RNF17: variants seen among roughly 807,000 people sequenced by gnomAD.
The protein encoded by RNF17 is spermatogenesis associated 23.
In RNF17, 31 loss-of-function variants were observed where a neutral mutation model predicts 200.5. The ratio of observed to expected loss-of-function variants is 0.15; its 90% CI spans 0.12 to 0.21. The LOEUF is 0.21. RNF17 is among the 10% of genes least tolerant of loss of function. RNF17 has a pLI of 1.00. For synonymous variants in RNF17, 606 were observed against 637.8 expected (o/e 0.95, Z 0.75); for missense variants, 1,628 against 1,905.1 (o/e 0.85, Z 2.71).
At chr13:24,802,111 G>C (rs1885315153) in intron 13 of RNF17, among the ~76,000 whole-genome samples, 1 of 151,912 alleles carries the variant, frequency 6.6e-6, no homozygotes, top group African/African-American at 2.4e-5. Flanking sequence ...TCAGCCTCCC[G>C]AGTAGCTGGG....
intron 28 of RNF17, among the ~76,000 whole-genome samples, chr13:24,863,301 T>C (rs769222018): frequency 3.9e-5 from 6 of 152,138 alleles, no homozygotes; most frequent in African/African-American, 1.4e-4. Context: ...ATGGTGAGAA[T>C]TGAGGTAGCC....
At chr13:24,782,605 T>TC (rs1555265924) in intron 6 of RNF17, among the ~76,000 whole-genome samples, 178 of 149,820 alleles carry the variant, frequency 1.2e-3, no homozygotes, top group Non-Finnish European at 2.1e-3. Flanking sequence ...GAGGCTGAGA[T>TC]GGGGGGGGGA....
At chr13:24,775,914 A>G (rs1014035436) in intron 3 of RNF17, among the ~76,000 whole-genome samples, 7 of 152,206 alleles carry the variant, frequency 4.6e-5, no homozygotes, top group Non-Finnish European at 1.0e-4. Context: ...TGTTTATTAC[A>G]GTACATGTTT....
chr13:24,774,841 G>T lies in RNF17; in HGVS notation c.254G>T (p.Arg85Leu), dbSNP rs199849731. The change falls in exon 3 of 36, where the codon CGC (arginine) becomes CTC (leucine). Residue 85 changes from arginine (R) to leucine (L), a missense_variant. Arg to Leu is a moderately radical substitution (Grantham distance 102, BLOSUM62 -2). Transcript: ENST00000255324. The part of the protein sequence containing the change: ...EVATAVNTRQ[R>L]YYPMAGYIKE... ...GCTACAGCTGTAAATACTAGACAAC[G>T]CTACTACCCAATGGCTGGATATATT... The T allele has an allele frequency of 9.2e-5, 148 of 1,612,308 alleles. 1 individual carries two copies. In the South Asian group the frequency reaches 1.5e-3, roughly 16 times the overall value.
At chr13:24,821,726 CA>C (rs1888075543) in intron 15 of RNF17, among the ~76,000 whole-genome samples, 1 of 152,150 alleles carries the variant, frequency 6.6e-6, no homozygotes, top group Non-Finnish European at 1.5e-5. Flanking sequence ...CCATTTTATT[CA>C]TACATCATTT....
At chr13:24,756,398 T>C in the RNF17 span, among the ~76,000 whole-genome samples, 1 of 152,114 alleles carries the variant, frequency 6.6e-6, no homozygotes, top group Non-Finnish European at 1.5e-5. Context: ...CATGAAAAAA[T>C]ATAGTTTCTT....
At chr13:24,884,063 T>A (rs766375794), downstream of RNF17, 7 of 1,613,598 alleles carry the variant, frequency 4.3e-6, no homozygotes, top group Non-Finnish European at 5.9e-6. Context: ...ATTTCTTTTC[T>A]TCCATCTGGG....
At position 24,778,320 on chromosome 13, in the gene RNF17, A is replaced by G; in HGVS notation, c.343A>G (p.Lys115Glu). ...KTIKNCSQDF[K>E]KTADQLTTGL... ...GATAAAGAATTGTTCTCAGGACTTTAAGAAGACTGCTGATCAGCTAACTAC... is the reference window on the plus strand; with the variant it reads ...GATAAAGAATTGTTCTCAGGACTTTGAGAAGACTGCTGATCAGCTAACTAC... Residue 115 changes from lysine (K) to glutamate (E), a missense_variant, in exon 4 of 36, where the codon AAG (lysine) becomes GAG (glutamate). By Grantham distance (56) the Lys-to-Glu change is moderately conservative (BLOSUM62 1). This residue lies in a region of RNF17 where 502 missense variants were observed against 501.7 expected (regional missense o/e 1.00). Transcript: ENST00000255324. 6.2e-7 allele frequency: 1 copy of G among 1,611,862 alleles called. No homozygotes were observed. The highest frequency in any genetic ancestry group is 8.5e-7 in the Non-Finnish European group (1 of 1,178,068).
intron 4 of RNF17, among the ~76,000 whole-genome samples, chr13:24,778,609 G>A (rs1489364626): frequency 6.6e-6 from 1 of 152,146 alleles, no homozygotes; most frequent in Non-Finnish European, 1.5e-5. Flanking sequence ...ACCTTTGACT[G>A]ACTCTGTTTC....
chr13:24,885,256 T>C, the RNF17 span: 8 of 1,468,624 alleles, frequency 5.4e-6, no homozygotes, highest in Non-Finnish European at 5.7e-6. Context: ...GAATTCATTA[T>C]TTCAAAAACA....
chr13:24,783,129 G>C (rs1882657570), intron 6 of RNF17, among the ~76,000 whole-genome samples: 1 of 152,148 alleles, frequency 6.6e-6, no homozygotes, highest in African/African-American at 2.4e-5. Flanking sequence ...AGTTTTCCCA[G>C]CACTATTTGT....
At chr13:24,866,520 A>G (rs1018099906) in intron 30 of RNF17, among the ~76,000 whole-genome samples, 8 of 152,262 alleles carry the variant, frequency 5.3e-5, no homozygotes, top group Admixed American at 2.6e-4. Context: ...ATATAAATGG[A>G]ATCATACACT....
intron 2 of RNF17, among the ~76,000 whole-genome samples, chr13:24,769,058 A>G (rs2137462721): frequency 7.1e-6 from 1 of 140,714 alleles, no homozygotes; most frequent in East Asian, 2.1e-4. Context: ...AGACGAAGTG[A>G]GCCCTCCTCA....
At chr13:24,807,986 T>C (rs1356107126) in intron 15 of RNF17, among the ~76,000 whole-genome samples, 2 of 151,894 alleles carry the variant, frequency 1.3e-5, no homozygotes, top group Non-Finnish European at 2.9e-5. Flanking sequence ...GAGGGCTCTG[T>C]TCTGTTCCAT....
chr13:24,822,282 G>A (rs528203306), intron 15 of RNF17, among the ~76,000 whole-genome samples: 11 of 152,208 alleles, frequency 7.2e-5, no homozygotes, highest in African/African-American at 1.9e-4. Flanking sequence ...CGCAACTGCC[G>A]GCATCTGTGT....
the RNF17 span, chr13:24,885,546 CAA>C: frequency 4.5e-6 from 6 of 1,345,610 alleles, no homozygotes; most frequent in Non-Finnish European, 6.4e-6. Flanking sequence ...AGTCTATTAA[CAA>C]ATTGATTTCA....
intron 16 of RNF17, chr13:24,826,068 TTGTC>T (rs1888591291): frequency 1.1e-5 from 11 of 985,122 alleles, no homozygotes; most frequent in South Asian, 4.7e-5. Flanking sequence ...TGTTGACTGT[TTGTC>T]TGTCCCATGC....
chr13:24,861,261 G>T lies in RNF17; in HGVS notation c.3775-7G>T, dbSNP rs377572114. 5.3e-5 allele frequency: 84 copies of T among 1,577,914 alleles called. No individual in the cohort carries two copies. The highest frequency in any genetic ancestry group is 6.8e-5 in the Non-Finnish European group (79 of 1,157,624). On this transcript the variant is annotated splice_polypyrimidine_tract_variant and splice_region_variant and intron_variant, in intron 26 of 35. Coordinates refer to ENST00000255324, the MANE Select transcript of RNF17 (RefSeq NM_031277.3). ...TTTAACTATAAATTGTATTTGTCGT[G>T]TTTCAGGTACAATATTTAGATCATG...
intron 10 of RNF17, 26 bp downstream of exon 10, chr13:24,793,372 G>A (rs1884129694): frequency 6.5e-7 from 1 of 1,549,716 alleles, no homozygotes; most frequent in African/African-American, 1.4e-5. Flanking sequence ...AAAGCAGAGG[G>A]GAAAGATCTT....
Sources: gnomAD v4.1 joint callset for allele counts (sites outside exome capture counted in the v4.1 genomes callset) on GRCh38, gnomAD v4.1.1 for gene constraint, gnomAD v4.1.1 regional missense constraint, MANE v1.5 for transcripts, NCBI Gene and HGNC (gene_info 2026-07-23, HGNC 2026-07-21) for gene names.